The following TMED8 variants were observed in gnomAD, a reference collection of about 807,000 sequenced individuals.
TMED8 encodes transmembrane p24 trafficking protein family member 8, also known as protein TMED8.
Under a neutral mutation model 32.7 loss-of-function variants are expected in TMED8, and 15 were observed. The ratio of observed to expected loss-of-function variants is 0.46; its 90% CI spans 0.31 to 0.71. The LOEUF is 0.71. Among genes scored for constraint, TMED8 ranks in the 30% least tolerant of loss-of-function variants. The probability of loss-of-function intolerance (pLI) is 0.06; values close to 1 mark genes in which losing one functional copy is unlikely to be tolerated. For synonymous variants in TMED8, 147 were observed against 161.4 expected (o/e 0.91, Z 0.68); for missense variants, 390 against 423.9 (o/e 0.92, Z 0.70).
At chr14:77,368,553 C>T (rs1242978333) in intron 1 of TMED8, among the ~76,000 whole-genome samples, 5 of 152,192 alleles carry the variant, frequency 3.3e-5, no homozygotes, top group African/African-American at 1.2e-4. Flanking sequence ...TCTCGGCTCA[C>T]TGCAACCTCC....
chr14:77,346,523 G>C lies in TMED8; in HGVS notation c.198-45C>G, dbSNP rs777126474. 5 of 1,610,100 alleles carry C rather than the reference G, an allele frequency of 3.1e-6. No individual in the cohort carries two copies. In the South Asian group the frequency reaches 4.4e-5, roughly 14 times the overall value. ...TGTTAATTCAAGGACTCTTTGAAAA[G>C]ACTCAATCATCCTGGAGAAACTTTG... is the stretch of plus-strand genomic sequence containing the variant. On this transcript the variant is annotated intron_variant, in intron 2 of 5. Coordinates refer to ENST00000216468, the MANE Select transcript of TMED8 (RefSeq NM_213601.3).
Position 77,340,064 on chromosome 14 carries a change from ATC to A in TMED8, c.*1705_*1706del, listed in dbSNP as rs1892858375. 6.6e-6 allele frequency: 1 copy of A among 152,208 alleles called. No individual in the cohort carries two copies. Among genetic ancestry groups the A allele is most frequent in the Non-Finnish European group, 1.5e-5 (1 of 68,044 alleles). 9.4% of individuals were successfully genotyped at this position (152,208 alleles called of 1,614,324 possible). ...CTCTGAAATCCTGGAATCACGGGAT[ATC>A]TCTGATTGGTTAGGGAATTCCTCTG... On this transcript the variant is annotated 3_prime_UTR_variant, in exon 6 of 6. Coordinates refer to ENST00000216468, the MANE Select transcript of TMED8 (RefSeq NM_213601.3).
rs1892900352 is a variant in TMED8 at position 77,341,610 on chromosome 14, G to A, written c.*161C>T. On this transcript the variant is annotated 3_prime_UTR_variant, in exon 6 of 6. Coordinates refer to ENST00000216468, the MANE Select transcript of TMED8 (RefSeq NM_213601.3). The stretch of plus-strand genomic sequence containing the variant: ...CACCACCACCTGCAGAAGCCAAGAA[G>A]GGGAAAAAGCTACGTGGGCCAACAG... The A allele has an allele frequency of 1.5e-6, 1 of 666,000 alleles. No homozygotes were observed. The highest frequency in any genetic ancestry group is 2.7e-5 in the Admixed American group (1 of 36,668). 41.3% of individuals were successfully genotyped at this position (666,000 alleles called of 1,614,324 possible). A position where few individuals can be genotyped will look rare whatever the true frequency, so the allele number is the denominator to read the frequency against.
chr14:77,350,725 G>T (rs1443792361), intron 2 of TMED8, among the ~76,000 whole-genome samples: 1 of 152,040 alleles, frequency 6.6e-6, no homozygotes, highest in Non-Finnish European at 1.5e-5. Flanking sequence ...AGATGGGAGG[G>T]TTGCATGGTC....
At chr14:77,364,061 C>T (rs927200482) in intron 1 of TMED8, among the ~76,000 whole-genome samples, 2 of 152,176 alleles carry the variant, frequency 1.3e-5, no homozygotes, top group African/African-American at 4.8e-5. Flanking sequence ...TATGAGTGCC[C>T]GTTTCCCCAC....
chr14:77,367,690 T>A (rs1893587251), intron 1 of TMED8, among the ~76,000 whole-genome samples: 1 of 151,846 alleles, frequency 6.6e-6, no homozygotes, highest in Non-Finnish European at 1.5e-5. Context: ...TTGTTAACTT[T>A]CTTTCTTTTT....
At chr14:77,351,901 A>G in intron 1 of TMED8, 150 bp from the exon 2 acceptor site, 1 of 531,460 alleles carries the variant, frequency 1.9e-6, no homozygotes, top group Non-Finnish European at 3.3e-6. Flanking sequence ...CCCAACACAT[A>G]AATTATTCAA....
At chr14:77,375,462 A>G (rs541474417) in intron 1 of TMED8, among the ~76,000 whole-genome samples, 2 of 152,366 alleles carry the variant, frequency 1.3e-5, no homozygotes, top group Admixed American at 6.5e-5. Flanking sequence ...GACAAGTGTT[A>G]TAAGACTTAC....
rs1325324880 is a variant in TMED8, at chr14:77,341,408, G to A, written c.*363C>T. The A allele has an allele frequency of 3.7e-6, 1 of 267,370 alleles. No individual in the cohort carries two copies. The highest frequency in any genetic ancestry group is 7.4e-6 in the Non-Finnish European group (1 of 135,902). 16.6% of individuals were successfully genotyped at this position (267,370 alleles called of 1,614,324 possible). ...ACTAAATGCACTGGCAATAAGGGCT[G>A]TGGGAGAGGAGAGGGCAGCAATCTG... is the stretch of plus-strand genomic sequence containing the variant. On this transcript the variant is annotated 3_prime_UTR_variant, in exon 6 of 6. Coordinates refer to ENST00000216468, the MANE Select transcript of TMED8 (RefSeq NM_213601.3).
intron 2 of TMED8, among the ~76,000 whole-genome samples, chr14:77,348,002 C>T (rs1000092607): frequency 6.6e-6 from 1 of 152,082 alleles, no homozygotes; most frequent in Non-Finnish European, 1.5e-5. Flanking sequence ...TTTCCAGAGA[C>T]TATATGACAT....
rs562867177 is a variant in TMED8 at position 77,374,350 on chromosome 14, C to T, written c.118+2586G>A. 3.9e-5 allele frequency among the ~76,000 whole-genome samples: 6 copies of T among 152,366 alleles called. 1 individual carries two copies. The South Asian group carries it at 1.2e-3, about 32-fold the overall frequency. On this transcript the variant is annotated intron_variant, in intron 1 of 5. Transcript: ENST00000216468. ...CTTTGGAAGCCCAGCTTAACTCTAA[C>T]ACAGCGTTCCCAAAAGCAGCACCAC...
chr14:77,355,126 T>C (rs934715535), intron 1 of TMED8, among the ~76,000 whole-genome samples: 2 of 149,438 alleles, frequency 1.3e-5, no homozygotes, highest in East Asian at 1.9e-4. Flanking sequence ...TTTATACATA[T>C]ATGCATACAA....
chr14:77,346,173 G>A lies in TMED8; in HGVS notation c.327+176C>T, dbSNP rs557221401. Among the ~76,000 whole-genome samples, 16 of 152,232 alleles carry A rather than the reference G, an allele frequency of 1.1e-4. 1 individual carries two copies. In the South Asian group the frequency reaches 2.7e-3, roughly 26 times the overall value. On this transcript the variant is annotated intron_variant, in intron 3 of 5. Coordinates refer to ENST00000216468, the MANE Select transcript of TMED8 (RefSeq NM_213601.3). ...TGCCAGTACAATGATGGGCCCTGTG[G>A]AAGATACAAATAATCATTCTCCAAA...
rs566466758 is a variant in TMED8, at chr14:77,339,948, T to C, written c.*1823A>G. On this transcript the variant is annotated 3_prime_UTR_variant, in exon 6 of 6. Coordinates refer to ENST00000216468, the MANE Select transcript of TMED8 (RefSeq NM_213601.3). ...AAGAGTCCCGTTCCTTGAGTTATGCTACTGTAGGGATAGACCCTTGGTGTG... is the reference window on the plus strand; with the variant it reads ...AAGAGTCCCGTTCCTTGAGTTATGCCACTGTAGGGATAGACCCTTGGTGTG... 2.7e-5 allele frequency: 4 copies of C among 148,894 alleles called. No individual in the cohort carries two copies. The highest frequency in any genetic ancestry group is 7.5e-5 in the African/African-American group (3 of 39,888). 9.2% of individuals were successfully genotyped at this position (148,894 alleles called of 1,614,324 possible). A position where few individuals can be genotyped will look rare whatever the true frequency, so the allele number is the denominator to read the frequency against.
At position 77,351,691 on chromosome 14, in the gene TMED8, G is replaced by C; in HGVS notation, c.179C>G (p.Pro60Arg). The C allele has an allele frequency of 1.9e-6, 3 of 1,613,204 alleles. No individual in the cohort carries two copies. The highest frequency in any genetic ancestry group is 1.7e-6 in the Non-Finnish European group (2 of 1,179,596). ...TGGTTACCTGTGGGGTGAGGAGCAG[G>C]GTTCTGGATCGGTGGCAGAAGCCAA... The part of the protein sequence containing the change: ...SLLASATDPE[P>R]CSSPHRPQMV... Residue 60 changes from proline (P) to arginine (R), a missense_variant, in exon 2 of 6, where the codon CCC becomes CGC. Physicochemically the swap from Pro to Arg is moderately radical, Grantham distance 103 (BLOSUM62 -2). Coordinates refer to ENST00000216468, the MANE Select transcript of TMED8 (RefSeq NM_213601.3).
intron 2 of TMED8, 57 bp from the exon 3 acceptor site, chr14:77,346,535 C>G: frequency 6.2e-7 from 1 of 1,603,300 alleles, no homozygotes; most frequent in South Asian, 1.1e-5. Flanking sequence ...CTCAATCATC[C>G]TGGAGAAACT....
chr14:77,339,785 T>C lies in TMED8; in HGVS notation c.*1986A>G, dbSNP rs1408049437. 1 of 152,248 alleles carries C rather than the reference T, an allele frequency of 6.6e-6. No homozygotes were observed. The highest frequency in any genetic ancestry group is 2.4e-5 in the African/African-American group (1 of 41,470). 9.4% of individuals were successfully genotyped at this position (152,248 alleles called of 1,614,324 possible). On this transcript the variant is annotated 3_prime_UTR_variant, in exon 6 of 6. Coordinates refer to ENST00000216468, the MANE Select transcript of TMED8 (RefSeq NM_213601.3). ...TTGCAAATATAAAATAATGGAGGTA[T>C]GATGCTGCTCAGAGAATGGGAATGC...
rs1205783436 is a variant in TMED8 at position 77,340,875 on chromosome 14, GTTT to G, written c.*893_*895del. On this transcript the variant is annotated 3_prime_UTR_variant, in exon 6 of 6. Coordinates refer to ENST00000216468, the MANE Select transcript of TMED8 (RefSeq NM_213601.3). ...AAAAAAGCGGTGGGGACTCTGGAGT[GTTT>G]TTTGTTTTTCATCTTCTCTGTCAGA... is the stretch of plus-strand genomic sequence containing the variant. 6.8e-6 allele frequency: 1 copy of G among 147,256 alleles called. No homozygotes were observed. Among genetic ancestry groups the G allele is most frequent in the African/African-American group, 2.5e-5 (1 of 39,894 alleles). 9.1% of individuals were successfully genotyped at this position (147,256 alleles called of 1,614,324 possible). A position where few individuals can be genotyped will look rare whatever the true frequency, so the allele number is the denominator to read the frequency against.
At chr14:77,351,482 C>T (rs1240196509) in intron 2 of TMED8, among the ~76,000 whole-genome samples, 191 bp downstream of exon 2, 4 of 133,542 alleles carry the variant, frequency 3.0e-5, no homozygotes, top group African/African-American at 8.7e-5. Context: ...AGGATGGTCT[C>T]GATCTCCTGA....
Sources: allele counts gnomAD v4.1 joint callset (sites outside exome capture counted in the v4.1 genomes callset), GRCh38; gene constraint gnomAD v4.1.1; transcripts MANE v1.5; gene names NCBI Gene and HGNC (gene_info 2026-07-23, HGNC 2026-07-21).